TBC1D5: variants seen among roughly 807,000 people sequenced by gnomAD.
TBC1D5 encodes the protein TBC1 domain family, member 5.
TBC1D5 carries 75 observed loss-of-function variants against 100.3 expected under a neutral mutation model. The observed-to-expected ratio is 0.75, with a 90% CI of 0.62 to 0.91. The LOEUF (loss-of-function observed/expected upper bound fraction) is 0.91. Among genes scored for constraint, TBC1D5 ranks in the 40% least tolerant of loss-of-function variants. TBC1D5 has a pLI of 0.00. For missense variants in TBC1D5, 910 were observed against 942.4 expected, an observed-to-expected ratio of 0.97 and a Z score of 0.45; for synonymous variants, 323 against 325.6, an observed-to-expected ratio of 0.99 and a Z score of 0.09.
chr3:17,613,589 G>T (rs1372360008), intron 2 of TBC1D5, among the ~76,000 whole-genome samples: 1 of 152,236 alleles, frequency 6.6e-6, no homozygotes, highest in Admixed American at 6.5e-5. Flanking sequence ...TAACTGGCAT[G>T]AGATGGTATC....
intron 1 of TBC1D5, among the ~76,000 whole-genome samples, chr3:17,668,414 T>C (rs941353163): frequency 1.3e-5 from 2 of 152,066 alleles, no homozygotes; most frequent in Non-Finnish European, 2.9e-5. Context: ...GAATTACTAG[T>C]ATCCCATAAC....
At chr3:17,621,234 T>C (rs900604521) in intron 2 of TBC1D5, among the ~76,000 whole-genome samples, 1 of 152,214 alleles carries the variant, frequency 6.6e-6, no homozygotes, top group Admixed American at 6.5e-5. Context: ...TATGCATTTG[T>C]GTATATATGT....
intron 17 of TBC1D5, among the ~76,000 whole-genome samples, chr3:17,225,614 C>T (rs1170420158): frequency 1.3e-5 from 2 of 151,996 alleles, no homozygotes; most frequent in African/African-American, 2.4e-5. Flanking sequence ...CCAACCTGGG[C>T]AACATAGTGA....
chr3:17,657,329 CTTT>C (rs35431642), intron 1 of TBC1D5, among the ~76,000 whole-genome samples: 24 of 107,014 alleles, frequency 2.2e-4, no homozygotes, highest in Middle Eastern at 4.7e-3. Context: ...CAAATTCTTT[CTTT>C]TTTTTTTTTT....
intron 17 of TBC1D5, 86 bp from the exon 19 acceptor site, chr3:17,214,456 A>C: frequency 6.6e-6 from 9 of 1,368,144 alleles, no homozygotes; most frequent in Non-Finnish European, 9.0e-6. Flanking sequence ...AATGATGATC[A>C]ATTATGATGC....
chr3:17,583,899 T>G (rs931710863), intron 2 of TBC1D5, among the ~76,000 whole-genome samples: 1 of 152,184 alleles, frequency 6.6e-6, no homozygotes, highest in Non-Finnish European at 1.5e-5. Context: ...AACAGGTTCA[T>G]GTACACGCGT....
chr3:17,167,449 A>T (rs958882154), intron 20 of TBC1D5, among the ~76,000 whole-genome samples: 1 of 152,260 alleles, frequency 6.6e-6, no homozygotes. Flanking sequence ...TCATGGATGA[A>T]TGACTGAACA....
chr3:17,592,782 G>A (rs2060314147), intron 2 of TBC1D5, among the ~76,000 whole-genome samples: 1 of 152,164 alleles, frequency 6.6e-6, no homozygotes, highest in South Asian at 2.1e-4. Flanking sequence ...GCTCCCACAG[G>A]TGAATCACAG....
intron 13 of TBC1D5, among the ~76,000 whole-genome samples, chr3:17,324,303 A>G (rs1360708172): frequency 6.6e-6 from 1 of 152,200 alleles, no homozygotes; most frequent in African/African-American, 2.4e-5. Flanking sequence ...TAATAAATTG[A>G]ATTTTATTAA....
At chr3:17,337,123 GT>G (rs11328091) in intron 13 of TBC1D5, among the ~76,000 whole-genome samples, 35,938 of 115,932 alleles carry the variant, frequency 0.31, 5,916 homozygotes, top group East Asian at 0.68. Flanking sequence ...TATCTGAGAG[GT>G]TTTTTTTTTT....
chr3:17,444,219 AATT>A (rs2094729219), intron 3 of TBC1D5, among the ~76,000 whole-genome samples: 1 of 152,080 alleles, frequency 6.6e-6, no homozygotes, highest in Non-Finnish European at 1.5e-5. Flanking sequence ...ACTTGAGAGA[AATT>A]ATTAAAACAA....
At position 17,610,125 on chromosome 3, in the gene TBC1D5, T is replaced by C. The variant is rs561589680; in HGVS notation, c.-36+13724A>G. On this transcript the variant is annotated intron_variant, in intron 2 of 21. Coordinates refer to ENST00000253692, the Ensembl canonical transcript of TBC1D5. ...CATATCCAAATATAAGCATTGAATATCTCTTGACTAAGCTGCTAAAGCTGC... is the reference window on the plus strand; with the variant it reads ...CATATCCAAATATAAGCATTGAATACCTCTTGACTAAGCTGCTAAAGCTGC... 6.6e-5 allele frequency among the ~76,000 whole-genome samples: 10 copies of C among 152,294 alleles called. No individual in the cohort carries two copies. In the East Asian group the frequency reaches 1.9e-3, roughly 29 times the overall value.
chr3:17,369,741 G>C (rs536453996), intron 13 of TBC1D5, among the ~76,000 whole-genome samples: 3 of 152,202 alleles, frequency 2.0e-5, no homozygotes, highest in African/African-American at 7.2e-5. Flanking sequence ...AGGGATATAA[G>C]AAAATTCAAG....
At chr3:17,627,085 G>A (rs1366942753) in intron 1 of TBC1D5, among the ~76,000 whole-genome samples, 1 of 152,214 alleles carries the variant, frequency 6.6e-6, no homozygotes, top group Non-Finnish European at 1.5e-5. Flanking sequence ...CTGCAGAGGA[G>A]TCATCTAGGC....
intron 3 of TBC1D5, among the ~76,000 whole-genome samples, chr3:17,447,839 C>A (rs188294250): frequency 7.2e-5 from 11 of 152,250 alleles, no homozygotes; most frequent in African/African-American, 2.6e-4. Context: ...CTAACAGGAT[C>A]TTGTGTACAT....
intron 8 of TBC1D5, among the ~76,000 whole-genome samples, chr3:17,388,685 CAAAA>C (rs60539576): frequency 1.9e-5 from 2 of 108,004 alleles, no homozygotes; most frequent in South Asian, 3.3e-4. Flanking sequence ...CCTGCCTTTA[CAAAA>C]AAAAAAAAAA....
chr3:17,324,172 A>T (rs545447111), intron 13 of TBC1D5, among the ~76,000 whole-genome samples: 1 of 152,254 alleles, frequency 6.6e-6, no homozygotes, highest in Non-Finnish European at 1.5e-5. Context: ...AAATTAACTC[A>T]AAATGGATAA....
intron 14 of TBC1D5, among the ~76,000 whole-genome samples, chr3:17,295,861 T>C (rs187501105): frequency 1.3e-5 from 2 of 152,324 alleles, no homozygotes; most frequent in Non-Finnish European, 2.9e-5. Flanking sequence ...TATAAAGGTC[T>C]CATGAGTCCT....
chr3:17,352,693 A>AAAAAAC (rs1553700550), intron 13 of TBC1D5, among the ~76,000 whole-genome samples: 24 of 149,208 alleles, frequency 1.6e-4, no homozygotes, highest in African/African-American at 6.0e-4. Context: ...CAAAAAAAAA[A>AAAAAAC]AAAAAACAAA....
Sources: allele counts gnomAD v4.1 joint callset (sites outside exome capture counted in the v4.1 genomes callset), GRCh38; gene constraint gnomAD v4.1.1; transcripts MANE v1.5; gene names NCBI Gene and HGNC (gene_info 2026-07-23, HGNC 2026-07-21).